The following FHIT variants were observed in gnomAD, a reference collection of about 807,000 sequenced individuals.
FHIT encodes fragile histidine triad diadenosine triphosphatase.
FHIT carries 19 observed loss-of-function variants against 17.9 expected under a neutral mutation model. The ratio of observed to expected loss-of-function variants is 1.06; its 90% CI spans 0.74 to 1.56. FHIT has a LOEUF of 1.56. FHIT is among the 40% of genes most tolerant of loss of function. FHIT has a pLI of 0.00. For missense variants in FHIT, 248 were observed against 189.2 expected, an observed-to-expected ratio of 1.31 and a Z score of -1.82; for synonymous variants, 81 against 69.7, an observed-to-expected ratio of 1.16 and a Z score of -0.81.
At chr3:59,980,732 T>C (rs1296340425) in intron 7 of FHIT, among the ~76,000 whole-genome samples, 1 of 152,180 alleles carries the variant, frequency 6.6e-6, no homozygotes, top group Non-Finnish European at 1.5e-5. Flanking sequence ...ATAGCATCTA[T>C]GAACCAGAAA....
rs1699762936 is a variant in FHIT at position 60,358,399 on chromosome 3, TGAAG to T, written c.103+178457_103+178460del. ...AACCAAGGATGGACTACAGTCAGAA[TGAAG>T]GAAGATGAGGAAGAAAAAAGCAAAG... On this transcript the variant is annotated intron_variant, in intron 5 of 9. Transcript: ENST00000492590. Among the ~76,000 whole-genome samples, 3 of 152,248 alleles carry T rather than the reference TGAAG, an allele frequency of 2.0e-5. No individual in the cohort carries two copies. In the South Asian group the frequency reaches 6.2e-4, roughly 32 times the overall value.
At chr3:59,910,899 A>G (rs1704839134) in intron 8 of FHIT, among the ~76,000 whole-genome samples, 1 of 149,780 alleles carries the variant, frequency 6.7e-6, no homozygotes, top group South Asian at 2.1e-4. Context: ...AAAAAGAAGG[A>G]AAAAAAATTG....
chr3:59,758,409 A>ATTGT (rs544636845), intron 8 of FHIT, among the ~76,000 whole-genome samples: 274 of 152,310 alleles, frequency 1.8e-3, no homozygotes, highest in African/African-American at 6.4e-3. Context: ...TTAACATTCC[A>ATTGT]TTGTTTAAAG....
chr3:60,076,452 A>C (rs992596522), intron 5 of FHIT, among the ~76,000 whole-genome samples: 1 of 151,666 alleles, frequency 6.6e-6, no homozygotes, highest in African/African-American at 2.4e-5. Flanking sequence ...TCGTGCAAGA[A>C]AGTGAAAGTG....
intron 4 of FHIT, among the ~76,000 whole-genome samples, chr3:60,698,186 T>A (rs1266881788): frequency 6.6e-6 from 1 of 152,192 alleles, no homozygotes; most frequent in East Asian, 1.9e-4. Context: ...TTTCAAATAG[T>A]GCTTGCTGTT....
At chr3:60,918,369 G>A (rs1707112133) in intron 3 of FHIT, among the ~76,000 whole-genome samples, 2 of 152,304 alleles carry the variant, frequency 1.3e-5, no homozygotes, top group South Asian at 4.1e-4. Flanking sequence ...ACTCTTATTA[G>A]ATAAGAAATT....
At chr3:59,985,546 A>C (rs1240938416) in intron 7 of FHIT, among the ~76,000 whole-genome samples, 1 of 152,162 alleles carries the variant, frequency 6.6e-6, no homozygotes, top group African/African-American at 2.4e-5. Flanking sequence ...ATTTGCTAAA[A>C]GGTAATTTTA....
At chr3:59,957,434 A>G (rs931130325) in intron 7 of FHIT, among the ~76,000 whole-genome samples, 11 of 152,350 alleles carry the variant, frequency 7.2e-5, no homozygotes, top group South Asian at 4.1e-4. Context: ...GAGAAAATAA[A>G]TGTCTTTTGT....
intron 5 of FHIT, among the ~76,000 whole-genome samples, chr3:60,137,737 C>G (rs1699874500): frequency 7.1e-6 from 1 of 140,764 alleles, no homozygotes; most frequent in Admixed American, 6.9e-5. Flanking sequence ...TCACTTCAGA[C>G]AAGTCAGCAC....
At chr3:60,534,457 A>AAAAAAAAAAAAAAAAAC (rs2035909035) in intron 5 of FHIT, among the ~76,000 whole-genome samples, 1 of 135,206 alleles carries the variant, frequency 7.4e-6, no homozygotes, top group African/African-American at 3.1e-5. Flanking sequence ...AAAAAAAAAA[A>AAAAAAAAAAAAAAAAAC]AAAAAAGATG....
chr3:59,823,750 A>G (rs955014224), intron 8 of FHIT, among the ~76,000 whole-genome samples: 1 of 152,198 alleles, frequency 6.6e-6, no homozygotes, highest in Non-Finnish European at 1.5e-5. Context: ...AATACTGCAC[A>G]GGGAAAAGTT....
At chr3:59,943,856 C>T (rs553324665) in intron 7 of FHIT, among the ~76,000 whole-genome samples, 93 of 152,296 alleles carry the variant, frequency 6.1e-4, no homozygotes, top group African/African-American at 2.2e-3. Flanking sequence ...TGCATGCATC[C>T]TCATCACACC....
chr3:60,333,581 GA>G (rs1319512220), intron 5 of FHIT, among the ~76,000 whole-genome samples: 1 of 151,126 alleles, frequency 6.6e-6, no homozygotes, highest in Non-Finnish European at 1.5e-5. Flanking sequence ...ATATAATTAA[GA>G]AAAAAACATA....
At chr3:61,154,955 C>G (rs2037493731) in intron 2 of FHIT, among the ~76,000 whole-genome samples, 1 of 152,194 alleles carries the variant, frequency 6.6e-6, no homozygotes, top group South Asian at 2.1e-4. Context: ...AAAGGGAGGA[C>G]CCGACAGGCC....
intron 5 of FHIT, among the ~76,000 whole-genome samples, chr3:60,025,006 T>A (rs1342390201): frequency 6.6e-6 from 1 of 152,106 alleles, no homozygotes; most frequent in African/African-American, 2.4e-5. Context: ...GAATTTGAGA[T>A]GTATGTTTGA....
At chr3:61,103,237 G>A (rs2035886945) in intron 2 of FHIT, among the ~76,000 whole-genome samples, 1 of 152,202 alleles carries the variant, frequency 6.6e-6, no homozygotes, top group Admixed American at 6.5e-5. Context: ...GTGTCCCAGA[G>A]ATTCTGCTAC....
At chr3:59,952,173 T>G (rs1268691597) in intron 7 of FHIT, among the ~76,000 whole-genome samples, 1 of 152,182 alleles carries the variant, frequency 6.6e-6, no homozygotes, top group East Asian at 1.9e-4. Context: ...GATGTTTGAA[T>G]TTTTTGGACA....
intron 3 of FHIT, among the ~76,000 whole-genome samples, chr3:61,029,582 T>C (rs570857400): frequency 2.0e-5 from 3 of 152,320 alleles, no homozygotes; most frequent in Admixed American, 6.5e-5. Context: ...GGCAGGCATA[T>C]TAGGCAGCTA....
intron 5 of FHIT, among the ~76,000 whole-genome samples, chr3:60,441,793 T>TATATATATATATATAAAATATATATAA (rs2030888928): frequency 9.0e-6 from 1 of 111,256 alleles, no homozygotes; most frequent in Non-Finnish European, 1.8e-5. Context: ...AATATATATA[T>TATATATATATATATAAAATATATATAA]ATATATATAT....
Sources: allele counts gnomAD v4.1 joint callset (sites outside exome capture counted in the v4.1 genomes callset), GRCh38; gene constraint gnomAD v4.1.1; transcripts MANE v1.5; gene names NCBI Gene and HGNC (gene_info 2026-07-23, HGNC 2026-07-21).